Variants in NOMO1 observed in about 807,000 individuals in gnomAD.
NOMO1 encodes the protein NODAL modulator 1.
In NOMO1, 40 loss-of-function variants were observed where a neutral mutation model predicts 133.8. That is an observed-to-expected ratio of 0.30 (90% CI 0.23 to 0.39). The LOEUF (loss-of-function observed/expected upper bound fraction) is 0.39, where lower values mean the gene tolerates loss of function less well. NOMO1 is among the 10% of genes least tolerant of loss of function. The pLI is 1.00. For synonymous variants in NOMO1, 236 were observed against 570.5 expected (o/e 0.41, Z 8.36); for missense variants, 462 against 1,419.9 (o/e 0.33, Z 10.84).
At chr16:14,868,089 C>T (rs1964030568) in intron 15 of NOMO1, among the ~76,000 whole-genome samples, 1 of 62,396 alleles carries the variant, frequency 1.6e-5, no homozygotes, top group African/African-American at 6.0e-5. Flanking sequence ...GTTGGTTTTT[C>T]CTCCTCATTC....
At chr16:14,871,322 T>G (rs1964077599) in intron 16 of NOMO1, among the ~76,000 whole-genome samples, 1 of 151,622 alleles carries the variant, frequency 6.6e-6, no homozygotes, top group South Asian at 2.1e-4. Flanking sequence ...TTCTGTTCCT[T>G]CTCGTGCATG....
At position 14,868,616 on chromosome 16, in the gene NOMO1, A is replaced by C. The variant is rs1432026236; in HGVS notation, c.1875A>C (p.Arg625=). The change falls in exon 16 of 31, where the codon CGA becomes CGC. Residue 625 remains arginine, a synonymous_variant. Coordinates refer to ENST00000287667, the MANE Select transcript of NOMO1 (RefSeq NM_014287.4). ...GIYNLSKGVN[R]FCLSKPGVYK... ...ATAACCTCTCCAAAGGAGTCAACCG[A>C]TTCTGCCTGTCCAAGCCTGGTAAGT... 1 of 1,591,432 alleles carries C rather than the reference A, an allele frequency of 6.3e-7. No homozygotes were observed. Among genetic ancestry groups the C allele is most frequent in the African/African-American group, 1.4e-5 (1 of 71,752 alleles).
chr16:14,886,211 G>T (rs1964321473), intron 27 of NOMO1, among the ~76,000 whole-genome samples: 1 of 150,754 alleles, frequency 6.6e-6, no homozygotes, highest in Admixed American at 6.6e-5. Flanking sequence ...GTACATGATG[G>T]AATGCGTTTT....
chr16:14,846,007 A>G (rs1323051913), intron 4 of NOMO1, among the ~76,000 whole-genome samples: 1 of 119,104 alleles, frequency 8.4e-6, no homozygotes, highest in African/African-American at 3.2e-5. Flanking sequence ...TTATATTTTT[A>G]TTTTTATGTA....
rs1209059154 is a variant in NOMO1, at chr16:14,866,704, T to C, written c.1806+13T>C. The C allele has an allele frequency of 6.2e-7, 1 of 1,609,892 alleles. No homozygotes were observed. The highest frequency in any genetic ancestry group is 8.5e-7 in the Non-Finnish European group (1 of 1,179,658). The stretch of plus-strand genomic sequence containing the variant: ...CGCCATCACTCTGGTATGTACGGCT[T>C]ATTGAGTCTCTTATTTGGAAAAGCG... On this transcript the variant is annotated intron_variant, in intron 15 of 30. Coordinates refer to ENST00000287667, the MANE Select transcript of NOMO1 (RefSeq NM_014287.4).
intron 27 of NOMO1, 138 bp from the exon 28 acceptor site, chr16:14,886,623 A>G: frequency 1.8e-6 from 2 of 1,141,008 alleles, no homozygotes; most frequent in Non-Finnish European, 2.6e-6. Context: ...TGTGATGTCT[A>G]TGGAGGGAGC....
chr16:14,860,266 G>T (rs1963903242), intron 11 of NOMO1, among the ~76,000 whole-genome samples: 1 of 151,714 alleles, frequency 6.6e-6, no homozygotes, highest in Non-Finnish European at 1.5e-5. Flanking sequence ...AACTCAGGAG[G>T]CTGAGGCAGG....
chr16:14,884,283 A>G (rs1964288390), intron 26 of NOMO1, 89 bp from the exon 27 acceptor site: 3 of 1,503,388 alleles, frequency 2.0e-6, no homozygotes, highest in Middle Eastern at 2.4e-4. Flanking sequence ...AAAGTTTGCC[A>G]TGAAGCAGCT....
intron 4 of NOMO1, 142 bp from the exon 5 acceptor site, chr16:14,846,435 C>T: frequency 1.9e-6 from 1 of 540,264 alleles, no homozygotes; most frequent in East Asian, 3.3e-5. Flanking sequence ...GAAACATATC[C>T]ATGATTTATA....
chr16:14,857,743 C>T, intron 11 of NOMO1, 88 bp downstream of exon 11: 1 of 1,577,476 alleles, frequency 6.3e-7, no homozygotes, highest in Admixed American at 1.8e-5. Flanking sequence ...TGTGTCTTTG[C>T]CGAGCTTAAG....
At chr16:14,871,430 G>A (rs574585552) in intron 16 of NOMO1, among the ~76,000 whole-genome samples, 191 bp from the exon 17 acceptor site, 4 of 152,210 alleles carry the variant, frequency 2.6e-5, no homozygotes, top group East Asian at 1.9e-4. Context: ...TGCATGGATC[G>A]GGTTATTGGT....
chr16:14,869,709 T>G (rs1480264934), intron 16 of NOMO1, among the ~76,000 whole-genome samples: 3 of 151,676 alleles, frequency 2.0e-5, no homozygotes, highest in Non-Finnish European at 4.4e-5. Flanking sequence ...CGGACATTCT[T>G]GTACAAGTCT....
At chr16:14,889,616 A>G (rs373769405) in intron 29 of NOMO1, among the ~76,000 whole-genome samples, 5,597 of 151,416 alleles carry the variant, frequency 0.037, 194 homozygotes, top group African/African-American at 0.075. Flanking sequence ...TGTGCTCCAG[A>G]TCGCAGGTTG....
intron 26 of NOMO1, among the ~76,000 whole-genome samples, 190 bp downstream of exon 26, chr16:14,882,867 G>C (rs948529284): frequency 6.6e-5 from 10 of 152,020 alleles, no homozygotes; most frequent in African/African-American, 2.2e-4. Context: ...CAGCGTTGCT[G>C]TCATGCATCC....
At chr16:14,894,288 T>C (rs1964448103) in intron 29 of NOMO1, among the ~76,000 whole-genome samples, 1 of 152,140 alleles carries the variant, frequency 6.6e-6, no homozygotes, top group Non-Finnish European at 1.5e-5. Context: ...ATTGGCCAAA[T>C]GCTGTCTGCC....
chr16:14,884,840 T>C (rs565116675), intron 27 of NOMO1, among the ~76,000 whole-genome samples: 1 of 152,208 alleles, frequency 6.6e-6, no homozygotes, highest in South Asian at 2.1e-4. Flanking sequence ...AAATTTTCTC[T>C]GGAGTGGAGG....
intron 28 of NOMO1, chr16:14,888,208 ATC>A: frequency 6.6e-6 from 1 of 151,010 alleles, no homozygotes; most frequent in East Asian, 1.9e-4. Context: ...CGTGAAGATG[ATC>A]TACTCTGGCC....
intron 18 of NOMO1, among the ~76,000 whole-genome samples, chr16:14,873,704 G>C (rs539203994): frequency 1.3e-5 from 2 of 151,680 alleles, no homozygotes; most frequent in African/African-American, 4.9e-5. Context: ...ATTCATTTTT[G>C]TAACTTCACA....
Position 14,873,381 on chromosome 16 carries a change from A to G in NOMO1, c.2054+1052A>G, listed in dbSNP as rs1476807839. On this transcript the variant is annotated intron_variant, in intron 18 of 30. Transcript: ENST00000287667. Reference sequence around the variant, plus strand: ...GAGGTGGTGGAGGCAGGGGGAGGCAATGGGGGCCCCAGACTAGTGGCTGCG... The same window carrying G: ...GAGGTGGTGGAGGCAGGGGGAGGCAGTGGGGGCCCCAGACTAGTGGCTGCG... Among the ~76,000 whole-genome samples, 5 of 132,844 alleles carry G rather than the reference A, an allele frequency of 3.8e-5. 1 individual carries two copies. Among genetic ancestry groups the G allele is most frequent in the African/African-American group, 1.3e-4 (5 of 37,974 alleles). The allele number at this position is 132,844 out of a possible 152,430, so 87.2% of individuals were successfully genotyped here. A position where few individuals can be genotyped will look rare whatever the true frequency, so the allele number is the denominator to read the frequency against.
Sources: gnomAD v4.1 joint callset for allele counts (sites outside exome capture counted in the v4.1 genomes callset) on GRCh38, gnomAD v4.1.1 for gene constraint, MANE v1.5 for transcripts, NCBI Gene and HGNC (gene_info 2026-07-23, HGNC 2026-07-21) for gene names.